Variants in SYK observed in about 807,000 individuals in gnomAD.
SYK encodes spleen associated tyrosine kinase, also known as tyrosine-protein kinase SYK.
In SYK, 16 loss-of-function variants were observed where a neutral mutation model predicts 77.8. The observed-to-expected ratio is 0.21, with a 90% confidence interval of 0.14 to 0.31. The LOEUF is 0.31. Among genes scored for constraint, SYK ranks in the 10% least tolerant of loss-of-function variants. SYK has a pLI of 1.00. For synonymous variants in SYK, 312 were observed against 308.7 expected (o/e 1.01, Z -0.11); for missense variants, 529 against 814.4 (o/e 0.65, Z 4.26).
At chr9:90,847,366 G>A (rs751952907) in intron 3 of SYK, among the ~76,000 whole-genome samples, 79 of 152,212 alleles carry the variant, frequency 5.2e-4, no homozygotes, top group Non-Finnish European at 2.1e-4. Flanking sequence ...TTTTCATCGA[G>A]CACCCTCTCC....
intron 3 of SYK, among the ~76,000 whole-genome samples, chr9:90,847,588 T>C (rs1587856183): frequency 6.6e-6 from 1 of 152,232 alleles, no homozygotes; most frequent in African/African-American, 2.4e-5. Flanking sequence ...TGTGGACTGA[T>C]GGTGCATAGC....
At chr9:90,807,255 C>T (rs1262895181) in intron 1 of SYK, among the ~76,000 whole-genome samples, 2 of 152,200 alleles carry the variant, frequency 1.3e-5, no homozygotes, top group African/African-American at 2.4e-5. Flanking sequence ...CCTCTTGCTG[C>T]TCCTTACCAA....
chr9:90,880,133 G>C (rs1187852956), intron 11 of SYK, among the ~76,000 whole-genome samples: 1 of 152,212 alleles, frequency 6.6e-6, no homozygotes, highest in Non-Finnish European at 1.5e-5. Context: ...ATAGGATCCT[G>C]TGTTTCATGC....
chr9:90,841,612 GTT>G (rs1471263080), intron 1 of SYK, among the ~76,000 whole-genome samples: 1 of 150,476 alleles, frequency 6.6e-6, no homozygotes, highest in Admixed American at 6.6e-5. Flanking sequence ...TTTCGTGTGT[GTT>G]TTGTGTGTGT....
intron 11 of SYK, among the ~76,000 whole-genome samples, chr9:90,885,150 C>T (rs1225617947): frequency 6.6e-6 from 1 of 151,642 alleles, no homozygotes; most frequent in Non-Finnish European, 1.5e-5. Flanking sequence ...TCCAAAGGAA[C>T]ACACAATTCT....
chr9:90,809,832 C>G (rs142081688), intron 1 of SYK, among the ~76,000 whole-genome samples: 12 of 152,098 alleles, frequency 7.9e-5, no homozygotes, highest in African/African-American at 2.7e-4. Context: ...AACTGCTGCT[C>G]TCTGCTTGTG....
intron 1 of SYK, among the ~76,000 whole-genome samples, chr9:90,841,103 G>T (rs546703023): frequency 9.9e-4 from 150 of 152,056 alleles, no homozygotes; most frequent in African/African-American, 3.5e-3. Context: ...TATGTAGTTT[G>T]TGTGTGGTGT....
chr9:90,852,068 G>A (rs1248649109), intron 3 of SYK, among the ~76,000 whole-genome samples: 1 of 152,078 alleles, frequency 6.6e-6, no homozygotes. Context: ...CACTGTGTTT[G>A]ACTACATCTT....
intron 1 of SYK, among the ~76,000 whole-genome samples, chr9:90,842,339 G>A (rs1826396780): frequency 6.6e-6 from 1 of 151,130 alleles, no homozygotes; most frequent in Admixed American, 6.6e-5. Flanking sequence ...TGTAGTGTAT[G>A]TGATGTGTGT....
Position 90,897,753 on chromosome 9 carries a change from G to C in SYK, c.*2153G>C, listed in dbSNP as rs1425507914. ...CACCTCCCTGCAGAGGTCCGGCCAG[G>C]TCTCCTTGTCCCTGGACAATCTCCT... On this transcript the variant is annotated 3_prime_UTR_variant, in exon 14 of 14. Coordinates refer to ENST00000375754, the MANE Select transcript of SYK (RefSeq NM_003177.7). 1 of 223,302 alleles carries C rather than the reference G, an allele frequency of 4.5e-6. No homozygotes were observed. Among genetic ancestry groups the C allele is most frequent in the Non-Finnish European group, 8.9e-6 (1 of 111,846 alleles). The allele number at this position is 223,302 out of a possible 1,614,324, so 13.8% of individuals were successfully genotyped here.
chr9:90,888,291 G>A (rs1828653906), intron 12 of SYK, among the ~76,000 whole-genome samples: 1 of 152,198 alleles, frequency 6.6e-6, no homozygotes, highest in Admixed American at 6.5e-5. Context: ...TCAGCCCCCA[G>A]ATGAAGAACA....
intron 9 of SYK, among the ~76,000 whole-genome samples, chr9:90,876,418 C>A (rs1284621477): frequency 6.6e-6 from 1 of 151,976 alleles, no homozygotes; most frequent in Non-Finnish European, 1.5e-5. Flanking sequence ...CACACACAAA[C>A]ATACACACAT....
At chr9:90,815,499 G>T (rs10993698) in intron 1 of SYK, among the ~76,000 whole-genome samples, 17,564 of 152,240 alleles carry the variant, frequency 0.12, 1,019 homozygotes, top group East Asian at 0.17. Context: ...GTTTTGAAGG[G>T]TTTGTGAATT....
intron 10 of SYK, 56 bp downstream of exon 10, chr9:90,877,836 C>T: frequency 6.3e-7 from 1 of 1,580,412 alleles, no homozygotes; most frequent in Non-Finnish European, 8.7e-7. Context: ...ACAGGGCCCA[C>T]CCCTGGATGG....
intron 3 of SYK, among the ~76,000 whole-genome samples, chr9:90,857,919 C>T (rs1032310504): frequency 6.8e-6 from 1 of 146,966 alleles, no homozygotes; most frequent in African/African-American, 2.6e-5. Flanking sequence ...ACAACTGACC[C>T]GGTGATACTC....
At chr9:90,884,256 CATACACATACGTGTATATATACACACAT>C (rs1336279636) in intron 11 of SYK, among the ~76,000 whole-genome samples, 3,899 of 99,908 alleles carry the variant, frequency 0.039, 505 homozygotes, top group East Asian at 0.093. Context: ...TACACATACA[CATACACATACGTGTATATATACACACAT>C]ATACACATAC....
At chr9:90,840,941 C>G (rs1456847561) in intron 1 of SYK, among the ~76,000 whole-genome samples, 1 of 152,186 alleles carries the variant, frequency 6.6e-6, no homozygotes, top group Non-Finnish European at 1.5e-5. Context: ...ATTTTATAGC[C>G]CCTTGTAGGA....
intron 1 of SYK, among the ~76,000 whole-genome samples, chr9:90,834,861 C>G (rs1389935383): frequency 6.6e-6 from 1 of 152,186 alleles, no homozygotes; most frequent in Non-Finnish European, 1.5e-5. Context: ...AGATTGGACA[C>G]CCCTGGGCTA....
intron 1 of SYK, among the ~76,000 whole-genome samples, chr9:90,833,666 GTGGCAAGCA>G (rs1319017877): frequency 6.6e-6 from 1 of 152,180 alleles, no homozygotes; most frequent in Non-Finnish European, 1.5e-5. Context: ...TGTACTTATG[GTGGCAAGCA>G]TGGATCTATT....
Sources: allele counts gnomAD v4.1 joint callset (sites outside exome capture counted in the v4.1 genomes callset), GRCh38; gene constraint gnomAD v4.1.1; transcripts MANE v1.5; gene names NCBI Gene and HGNC (gene_info 2026-07-23, HGNC 2026-07-21).